The following ABCC2 variants were observed in gnomAD, a reference collection of about 807,000 sequenced individuals.
ABCC2 encodes the protein ATP binding cassette subfamily C member 2.
In ABCC2, 157 loss-of-function variants were observed where a neutral mutation model predicts 173.4. That is an observed-to-expected ratio of 0.91 (90% CI 0.80 to 1.03). ABCC2 has a LOEUF of 1.03. Among genes scored for constraint, ABCC2 ranks in the 50% least tolerant of loss-of-function variants. The pLI, the probability that ABCC2 is intolerant of heterozygous loss-of-function variation, is 0.00. For synonymous variants in ABCC2, 657 were observed against 693.5 expected, an observed-to-expected ratio of 0.95 and a Z score of 0.83; for missense variants, 1,822 against 1,852.3, an observed-to-expected ratio of 0.98 and a Z score of 0.30.
intron 9 of ABCC2, among the ~76,000 whole-genome samples, chr10:99,802,040 A>G (rs1278387322): frequency 6.6e-6 from 1 of 152,222 alleles, no homozygotes; most frequent in African/African-American, 2.4e-5. Flanking sequence ...TTATGAGGTC[A>G]CTAACCAGCC....
At chr10:99,835,323 T>C (rs1426227915) in intron 24 of ABCC2, among the ~76,000 whole-genome samples, 1 of 152,126 alleles carries the variant, frequency 6.6e-6, no homozygotes, top group Non-Finnish European at 1.5e-5. Flanking sequence ...TTTTAACTAT[T>C]AATAACAAGC....
intron 2 of ABCC2, among the ~76,000 whole-genome samples, chr10:99,787,738 G>A (rs749067903): frequency 6.6e-6 from 1 of 151,788 alleles, no homozygotes; most frequent in Non-Finnish European, 1.5e-5. Flanking sequence ...TCTTTTGAAC[G>A]GATAATTCTC....
rs1196374265 is a variant in ABCC2, at chr10:99,834,392, G to A, written c.3271G>A (p.Val1091Met). Residue 1091 changes from valine (V) to methionine (M), a missense_variant, in exon 24 of 32, where the codon GTG becomes ATG. Transcript: ENST00000647814. Reference protein sequence around the residue: ...VNRFAGDISTVDDTLPQSLRS... With the variant: ...VNRFAGDISTMDDTLPQSLRS... ...ATCGTTTTCCTAGGATATTTCCACA[G>A]TGGATGACACCCTGCCTCAGTCCTT... The A allele has an allele frequency of 1.3e-5, 21 of 1,614,158 alleles. No homozygotes were observed. The highest frequency in any genetic ancestry group is 1.8e-5 in the Non-Finnish European group (21 of 1,180,030).
chr10:99,837,328 G>A (rs1166807701), intron 25 of ABCC2, among the ~76,000 whole-genome samples: 5 of 80,922 alleles, frequency 6.2e-5, no homozygotes. Context: ...GTAGAGACGG[G>A]GTTTCTCCGT....
rs2038144147 is a variant in ABCC2 at position 99,808,099 on chromosome 10, T to A, written c.1685T>A (p.Phe562Tyr). The change falls in exon 13 of 32, where the codon TTT becomes TAT. Residue 562 changes from phenylalanine (F) to tyrosine (Y), a missense_variant. Phe to Tyr is a conservative substitution (Grantham distance 22). Transcript: ENST00000647814. ...CCTTTCCAGGTATCTGTGGTCACAT[T>A]TTCTGTTTATGTCCTGGTGGATAGC... ...LTPVLVSVVTFSVYVLVDSNN... is the reference protein window; with the variant it reads ...LTPVLVSVVTYSVYVLVDSNN... The A allele has an allele frequency of 6.2e-7, 1 of 1,614,122 alleles. No individual in the cohort carries two copies.
rs374935388 is a variant in ABCC2, at chr10:99,832,139, T to C, written c.3258+8T>C. 1.9e-5 allele frequency: 30 copies of C among 1,614,056 alleles called. No homozygotes were observed. The South Asian group carries it at 3.0e-4, about 16-fold the overall frequency. ...GTGAACAGGTTTGCCGGCGTAAGTA[T>C]CTCAAGAACTGTCAGGTGGTGTGTT... On this transcript the variant is annotated splice_region_variant and intron_variant, in intron 23 of 31. Transcript: ENST00000647814.
At position 99,783,696 on chromosome 10, in the gene ABCC2, A is replaced by C. The variant is rs533516912; in HGVS notation, c.33+819A>C. Among the ~76,000 whole-genome samples the C allele has an allele frequency of 5.9e-5, 9 of 152,260 alleles. No individual in the cohort carries two copies. The East Asian group carries it at 1.7e-3, about 29-fold the overall frequency. On this transcript the variant is annotated intron_variant, in intron 1 of 31. Coordinates refer to ENST00000647814, the MANE Select transcript of ABCC2 (RefSeq NM_000392.5). ...TATAGAGGTGAGAGGGGCAGGGATG[A>C]GATAGCAGAGCACCTGGGCAGCACC...
rs367702762 is a variant in ABCC2 at position 99,795,704 on chromosome 10, A to AAG, written c.632+1252_632+1253dup. Among the ~76,000 whole-genome samples the AAG allele has an allele frequency of 1.2e-3, 181 of 149,442 alleles. 2 individuals are homozygous for AAG. Among genetic ancestry groups the AAG allele is most frequent in the African/African-American group, 3.9e-3 (160 of 40,620 alleles). On this transcript the variant is annotated intron_variant, in intron 6 of 31. Coordinates refer to ENST00000647814, the MANE Select transcript of ABCC2 (RefSeq NM_000392.5). ...ACAAGAGCAAAATTCCATCAAAAGA[A>AAG]AGAGAGAGAGAGAGAGAAGAAAGAA...
chr10:99,850,843 T>C (rs373645401), intron 31 of ABCC2, 47 bp downstream of exon 31: 249 of 1,603,734 alleles, frequency 1.6e-4, no homozygotes, highest in Non-Finnish European at 2.0e-5. Flanking sequence ...TAACCCTTGC[T>C]CAACAGTAAC....
At chr10:99,829,312 G>T (rs549053294) in intron 19 of ABCC2, among the ~76,000 whole-genome samples, 57 of 152,228 alleles carry the variant, frequency 3.7e-4, no homozygotes, top group African/African-American at 1.2e-3. Context: ...CCAAGGAGAG[G>T]GGGGACAGAA....
At chr10:99,814,206 C>T (rs1590164501) in intron 16 of ABCC2, among the ~76,000 whole-genome samples, 1 of 72,328 alleles carries the variant, frequency 1.4e-5, no homozygotes. Flanking sequence ...TGTATATATA[C>T]ACACATGTGT....
At chr10:99,783,749 A>T (rs1204790025) in intron 1 of ABCC2, among the ~76,000 whole-genome samples, 1 of 152,146 alleles carries the variant, frequency 6.6e-6, no homozygotes, top group Admixed American at 6.6e-5. Flanking sequence ...CCTGGGTCCC[A>T]AGACCCTCGA....
At chr10:99,795,763 GAA>G (rs1564672358) in intron 6 of ABCC2, among the ~76,000 whole-genome samples, 1,684 of 147,226 alleles carry the variant, frequency 0.011, 60 homozygotes, top group Middle Eastern at 0.041. Context: ...AAGAAAGAAA[GAA>G]AGAAAGAAAG....
intron 19 of ABCC2, 80 bp from the exon 20 acceptor site, chr10:99,830,227 A>G: frequency 1.9e-6 from 3 of 1,584,174 alleles, no homozygotes; most frequent in Non-Finnish European, 1.7e-6. Flanking sequence ...GCAAGATCAG[A>G]GGAGGCTTCT....
chr10:99,788,877 GGAAGAGTA>G (rs1438844593), intron 2 of ABCC2: 3 of 152,770 alleles, frequency 2.0e-5, no homozygotes, highest in African/African-American at 7.2e-5. Flanking sequence ...CCTGGTGGTA[GGAAGAGTA>G]GAGGCCTGGG....
At chr10:99,851,429 TG>T in intron 31 of ABCC2, 72 bp from the exon 32 acceptor site, 1 of 1,580,722 alleles carries the variant, frequency 6.3e-7, no homozygotes, top group East Asian at 2.2e-5. Context: ...AACTTAGTCC[TG>T]GTTATTCTTA....
chr10:99,816,900 A>C (rs184189462), intron 16 of ABCC2, among the ~76,000 whole-genome samples: 216 of 152,204 alleles, frequency 1.4e-3, no homozygotes, highest in African/African-American at 4.7e-3. Context: ...CTATGGAAAA[A>C]TTGTCTTCCA....
At chr10:99,846,874 T>A in intron 29 of ABCC2, 87 bp from the exon 30 acceptor site, 1 of 1,549,646 alleles carries the variant, frequency 6.5e-7, no homozygotes, top group Non-Finnish European at 8.9e-7. Flanking sequence ...CTCAGGCCAG[T>A]CCTATCCACC....
intron 6 of ABCC2, among the ~76,000 whole-genome samples, chr10:99,795,457 G>A (rs2037884225): frequency 6.6e-6 from 1 of 152,124 alleles, no homozygotes; most frequent in South Asian, 2.1e-4. Flanking sequence ...CCAGCACTTT[G>A]GGAGGCTGAG....
Sources: gnomAD v4.1 joint callset for allele counts (sites outside exome capture counted in the v4.1 genomes callset) on GRCh38, gnomAD v4.1.1 for gene constraint, MANE v1.5 for transcripts, NCBI Gene and HGNC (gene_info 2026-07-23, HGNC 2026-07-21) for gene names.